Variants in TLL1 observed in about 807,000 individuals in gnomAD.
The protein encoded by TLL1 is tolloid-like protein 1.
Under a neutral mutation model 128.2 loss-of-function variants are expected in TLL1, and 49 were observed. That is an observed-to-expected ratio of 0.38 (90% confidence interval 0.30 to 0.48). The LOEUF is 0.48. TLL1 is among the 20% of genes least tolerant of loss of function. TLL1 has a pLI of 0.96. For missense variants in TLL1, 1,123 were observed against 1,242.0 expected (o/e 0.90, Z 1.44); for synonymous variants, 454 against 418.8 (o/e 1.08, Z -1.03).
intron 6 of TLL1, among the ~76,000 whole-genome samples, chr4:166,007,449 G>A (rs894882767): frequency 1.3e-5 from 2 of 151,660 alleles, no homozygotes; most frequent in African/African-American, 2.4e-5. Flanking sequence ...ATGAAATCGT[G>A]GAGCAAAAGC....
At chr4:165,999,983 G>A (rs1579603608) in intron 5 of TLL1, among the ~76,000 whole-genome samples, 1 of 152,134 alleles carries the variant, frequency 6.6e-6, no homozygotes, top group East Asian at 1.9e-4. Context: ...TTCCAAATGG[G>A]TTTTGTTCTA....
intron 1 of TLL1, among the ~76,000 whole-genome samples, chr4:165,977,360 G>T (rs554479179): frequency 1.3e-5 from 2 of 152,000 alleles, no homozygotes; most frequent in East Asian, 1.9e-4. Context: ...ACACTCTCTC[G>T]CCTGCCTCCA....
intron 15 of TLL1, among the ~76,000 whole-genome samples, chr4:166,064,453 T>G (rs1275539047): frequency 1.3e-5 from 2 of 152,124 alleles, no homozygotes; most frequent in Non-Finnish European, 2.9e-5. Flanking sequence ...ATTATTCTCA[T>G]AGTCAGGGTC....
At chr4:165,974,926 A>G (rs936934432) in intron 1 of TLL1, among the ~76,000 whole-genome samples, 2 of 150,830 alleles carry the variant, frequency 1.3e-5, no homozygotes, top group African/African-American at 5.0e-5. Flanking sequence ...GTTCTCAGGG[A>G]CAGTTCTCAG....
intron 1 of TLL1, among the ~76,000 whole-genome samples, chr4:165,969,233 A>G (rs992758412): frequency 2.0e-5 from 3 of 152,070 alleles, no homozygotes; most frequent in Non-Finnish European, 1.5e-5. Flanking sequence ...TCAGTTTACA[A>G]TTTTTAATTT....
chr4:165,931,089 T>C (rs564527663), intron 1 of TLL1, among the ~76,000 whole-genome samples: 4 of 152,196 alleles, frequency 2.6e-5, no homozygotes, highest in Non-Finnish European at 5.9e-5. Flanking sequence ...TTTGTTGTTG[T>C]AAATAAAGTT....
In TLL1 at chr4:166,099,303, T is replaced by G; in HGVS notation, c.2683T>G (p.Ser895Ala). Residue 895 changes from serine to alanine, a missense_variant, in exon 20 of 21, where the codon TCA becomes GCA. Transcript: ENST00000061240. ...TECGGRLKAESKPRDLYSHAQ... is the reference protein window; with the variant it reads ...TECGGRLKAEAKPRDLYSHAQ... The stretch of plus-strand genomic sequence containing the variant: ...GTGTGGCGGACGATTGAAAGCAGAA[T>G]CAAAACCAAGAGATCTGTACTCACA... The G allele has an allele frequency of 6.2e-7, 1 of 1,613,516 alleles. No individual in the cohort carries two copies. Among genetic ancestry groups the G allele is most frequent in the East Asian group, 2.2e-5 (1 of 44,806 alleles).
chr4:166,059,234 C>T (rs1045557396), intron 14 of TLL1, among the ~76,000 whole-genome samples: 1 of 151,792 alleles, frequency 6.6e-6, no homozygotes, highest in Non-Finnish European at 1.5e-5. Context: ...CATACACGTG[C>T]ACAAAGACAA....
intron 1 of TLL1, among the ~76,000 whole-genome samples, chr4:165,942,712 A>C (rs1329512954): frequency 6.6e-6 from 1 of 151,712 alleles, no homozygotes; most frequent in African/African-American, 2.4e-5. Flanking sequence ...AATGGGTTCA[A>C]TACTATTCCA....
At chr4:166,096,759 A>G (rs1167542401) in intron 19 of TLL1, among the ~76,000 whole-genome samples, 1 of 152,144 alleles carries the variant, frequency 6.6e-6, no homozygotes, top group African/African-American at 2.4e-5. Context: ...GAAGAGGTAG[A>G]ATTTTTAAAA....
rs1733552853 is a variant in TLL1 at position 165,932,050 on chromosome 4, T to C, written c.170-57331T>C. ...ATAAGCAGATGTTTGCAGTTCCGTA[T>C]GTCACACCACTTCTTCGCCTACTCT... is the stretch of plus-strand genomic sequence containing the variant. On this transcript the variant is annotated intron_variant, in intron 1 of 20. Coordinates refer to ENST00000061240, the MANE Select transcript of TLL1 (RefSeq NM_012464.5). Among the ~76,000 whole-genome samples, 5 of 152,286 alleles carry C rather than the reference T, an allele frequency of 3.3e-5. 2 individuals are homozygous for C. The South Asian group carries it at 1.0e-3, about 32-fold the overall frequency.
intron 16 of TLL1, among the ~76,000 whole-genome samples, chr4:166,071,293 C>A (rs903838132): frequency 1.1e-4 from 16 of 151,958 alleles, no homozygotes; most frequent in African/African-American, 3.6e-4. Context: ...AGACTGATGA[C>A]CTCTGATAGT....
chr4:166,088,731 A>G (rs2111155081), intron 18 of TLL1, among the ~76,000 whole-genome samples: 1 of 152,202 alleles, frequency 6.6e-6, no homozygotes, highest in South Asian at 2.1e-4. Flanking sequence ...GTCTGATTCC[A>G]CCAGTAATTT....
At position 166,077,933 on chromosome 4, in the gene TLL1, G is replaced by C. The variant is rs758796276; in HGVS notation, c.2345G>C (p.Ser782Thr). 5.6e-6 allele frequency: 9 copies of C among 1,613,610 alleles called. No homozygotes were observed. The highest frequency in any genetic ancestry group is 7.6e-6 in the Non-Finnish European group (9 of 1,179,726). ...TGTGAACAGAAGATCCACAGTCCAA[G>C]TGGCCTCATCACCAGTCCCAACTGG... ...AECEQKIHSPSGLITSPNWPD... is the reference protein window; with the variant it reads ...AECEQKIHSPTGLITSPNWPD... The change falls in exon 18 of 21, where the codon AGT becomes ACT. Residue 782 changes from serine (S) to threonine (T), a missense_variant. By Grantham distance (58) the Ser-to-Thr change is moderately conservative. Transcript: ENST00000061240.
intron 1 of TLL1, among the ~76,000 whole-genome samples, chr4:165,914,031 A>C (rs563127724): frequency 5.9e-5 from 9 of 152,116 alleles, no homozygotes; most frequent in African/African-American, 2.2e-4. Flanking sequence ...CCAAAAAAAA[A>C]AAGAGAAAGC....
At chr4:166,042,498 G>GAAAT (rs1739283385) in intron 11 of TLL1, among the ~76,000 whole-genome samples, 1 of 152,114 alleles carries the variant, frequency 6.6e-6, no homozygotes, top group Admixed American at 6.6e-5. Context: ...CTGTATTCCC[G>GAAAT]AAATACTTTT....
At chr4:165,931,213 A>G (rs1204195931) in intron 1 of TLL1, among the ~76,000 whole-genome samples, 3 of 152,220 alleles carry the variant, frequency 2.0e-5, no homozygotes, top group African/African-American at 7.2e-5. Context: ...GCATTCGACT[A>G]TATTCCATAA....
intron 1 of TLL1, among the ~76,000 whole-genome samples, chr4:165,967,009 G>A (rs183901862): frequency 8.4e-4 from 128 of 152,298 alleles, no homozygotes; most frequent in Middle Eastern, 3.4e-3. Context: ...TCCCTTATCT[G>A]CAACCGTGTA....
intron 15 of TLL1, among the ~76,000 whole-genome samples, chr4:166,064,005 AAAAAG>A (rs1560846772): frequency 6.6e-6 from 1 of 152,070 alleles, no homozygotes; most frequent in Non-Finnish European, 1.5e-5. Flanking sequence ...AATTAAAAAA[AAAAAG>A]AAATGTGATG....
Sources: gnomAD v4.1 joint callset for allele counts (sites outside exome capture counted in the v4.1 genomes callset) on GRCh38, gnomAD v4.1.1 for gene constraint, MANE v1.5 for transcripts, NCBI Gene and HGNC (gene_info 2026-07-23, HGNC 2026-07-21) for gene names.